The following RHEB variants were observed in gnomAD, a reference collection of about 807,000 sequenced individuals.
RHEB encodes the protein GTP-binding protein Rheb.
A neutral mutation model predicts 28.8 loss-of-function variants in RHEB; 2 were observed. The ratio of observed to expected loss-of-function variants is 0.07; its 90% CI spans 0.03 to 0.22. RHEB has a LOEUF of 0.22. Ranked by LOEUF, RHEB falls within the 10% of genes least tolerant of loss-of-function variation. The probability of loss-of-function intolerance (pLI) is 1.00; values close to 1 mark genes in which losing one functional copy is unlikely to be tolerated. For missense variants in RHEB, 76 were observed against 219.9 expected (o/e 0.35, Z 4.14); for synonymous variants, 69 against 77.3 (o/e 0.89, Z 0.56).
intron 3 of RHEB, among the ~76,000 whole-genome samples, chr7:151,483,234 CA>C (rs1217891907): frequency 6.6e-6 from 1 of 152,184 alleles, no homozygotes; most frequent in Non-Finnish European, 1.5e-5. Context: ...TTCACTAAGG[CA>C]TCACACTTTC....
chr7:151,514,956 T>G (rs1803049425), intron 1 of RHEB, among the ~76,000 whole-genome samples: 1 of 151,964 alleles, frequency 6.6e-6, no homozygotes, highest in Non-Finnish European at 1.5e-5. Context: ...GGAGGATCAC[T>G]TGAGTCCAGG....
At chr7:151,469,550 A>G (rs1273246746) in intron 7 of RHEB, among the ~76,000 whole-genome samples, 1 of 152,212 alleles carries the variant, frequency 6.6e-6, no homozygotes, top group Non-Finnish European at 1.5e-5. Flanking sequence ...ACTATACTAG[A>G]GTTTCCTCAG....
chr7:151,489,518 A>T (rs1335453165), intron 2 of RHEB, among the ~76,000 whole-genome samples: 1 of 152,212 alleles, frequency 6.6e-6, no homozygotes, highest in East Asian at 1.9e-4. Flanking sequence ...CTTCTCTGCT[A>T]CCAGCACACT....
At chr7:151,501,953 G>A (rs1037432344) in intron 1 of RHEB, 2 of 678,816 alleles carry the variant, frequency 2.9e-6, no homozygotes, top group African/African-American at 1.8e-5. Context: ...GAGCTTGGAG[G>A]CGGGCTGGGC....
chr7:151,481,838 T>A (rs987627831), intron 3 of RHEB, among the ~76,000 whole-genome samples: 1 of 152,238 alleles, frequency 6.6e-6, no homozygotes, highest in Non-Finnish European at 1.5e-5. Context: ...GCTCTTGTCT[T>A]ATCTCATATC....
chr7:151,500,174 G>A (rs983378405), intron 1 of RHEB, among the ~76,000 whole-genome samples: 1 of 152,192 alleles, frequency 6.6e-6, no homozygotes, highest in African/African-American at 2.4e-5. Context: ...AGTCAGAAGA[G>A]TGACATGAGA....
At chr7:151,482,466 T>C (rs1351252680) in intron 3 of RHEB, among the ~76,000 whole-genome samples, 1 of 152,210 alleles carries the variant, frequency 6.6e-6, no homozygotes, top group Non-Finnish European at 1.5e-5. Context: ...TCCAGGCAAG[T>C]GTAACCCCAG....
At chr7:151,504,575 T>C (rs1802833551) in intron 1 of RHEB, among the ~76,000 whole-genome samples, 1 of 152,164 alleles carries the variant, frequency 6.6e-6, no homozygotes, top group Non-Finnish European at 1.5e-5. Flanking sequence ...CTGTGTTGAT[T>C]AAGGGTCAAC....
At chr7:151,485,277 G>A (rs916773314) in intron 2 of RHEB, among the ~76,000 whole-genome samples, 1 of 152,176 alleles carries the variant, frequency 6.6e-6, no homozygotes, top group African/African-American at 2.4e-5. Flanking sequence ...TTTTACTGAC[G>A]GATAAAACAG....
chr7:151,517,793 A>C (rs1803108403), intron 1 of RHEB: 1 of 152,190 alleles, frequency 6.6e-6, no homozygotes. Flanking sequence ...TCTTTAGGTC[A>C]TTCTCTTGGG....
rs181035837 is a variant in RHEB, at chr7:151,470,965, A to G, written c.381-313T>C. On this transcript the variant is annotated intron_variant, in intron 6 of 7. Transcript: ENST00000262187. Reference sequence around the variant, plus strand: ...ACTATTTTACAGCTAGGTTGTAAGCACCCAAGGCCAGGGGAAATTGTGAAA... The same window carrying G: ...ACTATTTTACAGCTAGGTTGTAAGCGCCCAAGGCCAGGGGAAATTGTGAAA... 2.4e-3 allele frequency among the ~76,000 whole-genome samples: 360 copies of G among 152,374 alleles called. 3 individuals carry two copies. The highest frequency in any genetic ancestry group is 8.2e-3 in the African/African-American group (341 of 41,588).
chr7:151,504,408 T>G (rs1802830036), intron 1 of RHEB, among the ~76,000 whole-genome samples: 1 of 152,158 alleles, frequency 6.6e-6, no homozygotes, highest in Non-Finnish European at 1.5e-5. Flanking sequence ...AATCCGAGTG[T>G]GATGAAGCCC....
intron 4 of RHEB, among the ~76,000 whole-genome samples, chr7:151,476,749 C>T (rs1316865012): frequency 1.3e-5 from 2 of 152,314 alleles, no homozygotes; most frequent in South Asian, 2.1e-4. Flanking sequence ...CCCAGAGCTC[C>T]GCTGCTGTAT....
At chr7:151,505,710 A>C (rs756536593) in intron 1 of RHEB, among the ~76,000 whole-genome samples, 19 of 152,248 alleles carry the variant, frequency 1.2e-4, no homozygotes, top group Non-Finnish European at 1.8e-4. Context: ...AATGCTCATA[A>C]TAGCTTTATT....
intron 7 of RHEB, 51 bp downstream of exon 7, chr7:151,470,520 C>A: frequency 7.9e-7 from 1 of 1,263,596 alleles, no homozygotes. Context: ...GGAACACATC[C>A]CTGCGACTGA....
chr7:151,475,571 T>TA (rs766183128), intron 4 of RHEB, among the ~76,000 whole-genome samples: 6 of 152,132 alleles, frequency 3.9e-5, no homozygotes, highest in Non-Finnish European at 5.9e-5. Context: ...CAACTGAAAT[T>TA]AAAAAAATCT....
chr7:151,470,549 T>G, intron 7 of RHEB, 22 bp downstream of exon 7: 49 of 1,543,822 alleles, frequency 3.2e-5, no homozygotes, highest in African/African-American at 6.8e-5. Flanking sequence ...CAATGCAAAA[T>G]GAGGTTTATA....
At chr7:151,495,641 T>C (rs1200808117) in intron 1 of RHEB, among the ~76,000 whole-genome samples, 2 of 152,210 alleles carry the variant, frequency 1.3e-5, no homozygotes, top group African/African-American at 4.8e-5. Flanking sequence ...TTTGTTATCA[T>C]GCTTATTCTC....
At chr7:151,519,224 C>T (rs1224366710) in intron 1 of RHEB, 3 of 188,656 alleles carry the variant, frequency 1.6e-5, no homozygotes, top group African/African-American at 2.4e-5. Flanking sequence ...TCCGCCCGGC[C>T]GCCACCTGCC....
Sources: gnomAD v4.1 joint callset for allele counts (sites outside exome capture counted in the v4.1 genomes callset) on GRCh38, gnomAD v4.1.1 for gene constraint, MANE v1.5 for transcripts, NCBI Gene and HGNC (gene_info 2026-07-23, HGNC 2026-07-21) for gene names.